Variants in ANGPT1 observed in about 807,000 individuals in gnomAD.
The protein encoded by ANGPT1 is angiopoietin-1.
A neutral mutation model predicts 62.2 loss-of-function variants in ANGPT1; 17 were observed. The observed-to-expected ratio is 0.27, with a 90% CI of 0.19 to 0.41. The LOEUF (loss-of-function observed/expected upper bound fraction) is 0.41. ANGPT1 is among the 10% of genes least tolerant of loss of function. The probability of loss-of-function intolerance (pLI) is 1.00; values close to 1 mark genes in which losing one functional copy is unlikely to be tolerated. For missense variants in ANGPT1, 478 were observed against 594.9 expected, an observed-to-expected ratio of 0.80 and a Z score of 2.04; for synonymous variants, 199 against 198.9, an observed-to-expected ratio of 1.00 and a Z score of 0.00.
intron 1 of ANGPT1, among the ~76,000 whole-genome samples, chr8:107,440,230 T>A (rs1312389923): frequency 6.6e-6 from 1 of 152,208 alleles, no homozygotes; most frequent in Non-Finnish European, 1.5e-5. Flanking sequence ...GCTCAGAGAA[T>A]GTGGCTTGCA....
chr8:107,259,808 G>A (rs1380630102), intron 8 of ANGPT1, among the ~76,000 whole-genome samples: 1 of 151,842 alleles, frequency 6.6e-6, no homozygotes, highest in Non-Finnish European at 1.5e-5. Flanking sequence ...TCCTAATTTA[G>A]TATCAAAGAT....
intron 1 of ANGPT1, among the ~76,000 whole-genome samples, chr8:107,359,154 A>G (rs1363063250): frequency 6.6e-6 from 1 of 152,254 alleles, no homozygotes; most frequent in Non-Finnish European, 1.5e-5. Flanking sequence ...ACTGAGTTAG[A>G]CTTAGTAATT....
At chr8:107,263,129 G>A (rs982955675) in intron 8 of ANGPT1, among the ~76,000 whole-genome samples, 5 of 151,934 alleles carry the variant, frequency 3.3e-5, no homozygotes, top group South Asian at 2.1e-4. Flanking sequence ...CAAGGTGGGC[G>A]GATCACTTGA....
Position 107,284,737 on chromosome 8 carries a change from G to C in ANGPT1, c.1150C>G (p.Arg384Gly), listed in dbSNP as rs1284718290. 3 of 1,609,934 alleles carry C rather than the reference G, an allele frequency of 1.9e-6. No individual in the cohort carries two copies. Among genetic ancestry groups the C allele is most frequent in the Non-Finnish European group, 8.5e-7 (1 of 1,177,444 alleles). ...RIELMDWEGN[R>G]AYSQYDRFHI... ...AATCTGTCATACTGTGAATAGGCTC[G>C]GTTCCCTTCCCAGTCCATTAACTCA... is the stretch of plus-strand genomic sequence containing the variant. Residue 384 changes from arginine (R) to glycine (G), a missense_variant, in exon 7 of 9, where the codon CGA becomes GGA. Physicochemically the swap from Arg to Gly is moderately radical, Grantham distance 125. Transcript: ENST00000517746.
intron 4 of ANGPT1, among the ~76,000 whole-genome samples, chr8:107,307,623 TG>T (rs1814750651): frequency 6.6e-6 from 1 of 152,090 alleles, no homozygotes; most frequent in Admixed American, 6.6e-5. Context: ...CTTCTCCAAT[TG>T]TTTTTTCTCT....
At chr8:107,320,949 A>G (rs1815135616) in intron 4 of ANGPT1, among the ~76,000 whole-genome samples, 1 of 152,160 alleles carries the variant, frequency 6.6e-6, no homozygotes, top group Admixed American at 6.5e-5. Flanking sequence ...ATGAATGGTC[A>G]CATAAGCCAC....
At chr8:107,289,968 A>G (rs1426052845) in intron 6 of ANGPT1, among the ~76,000 whole-genome samples, 1 of 152,074 alleles carries the variant, frequency 6.6e-6, no homozygotes, top group African/African-American at 2.4e-5. Context: ...TATCTTCCCT[A>G]AGTGCCTCAT....
chr8:107,459,449 A>G (rs1812007508), intron 1 of ANGPT1, among the ~76,000 whole-genome samples: 1 of 150,740 alleles, frequency 6.6e-6, no homozygotes, highest in African/African-American at 2.5e-5. Context: ...AGATCGTGCC[A>G]CTGCACTCCA....
intron 1 of ANGPT1, among the ~76,000 whole-genome samples, chr8:107,389,466 C>G (rs1816793334): frequency 6.6e-6 from 1 of 152,082 alleles, no homozygotes; most frequent in Non-Finnish European, 1.5e-5. Flanking sequence ...GGCAATTACA[C>G]TTCACAATAA....
At chr8:107,324,443 C>T (rs1419135431) in intron 3 of ANGPT1, among the ~76,000 whole-genome samples, 4 of 152,040 alleles carry the variant, frequency 2.6e-5, no homozygotes, top group Non-Finnish European at 5.9e-5. Flanking sequence ...AGCACTGCTG[C>T]CTCAAGCCAA....
intron 1 of ANGPT1, among the ~76,000 whole-genome samples, chr8:107,432,153 A>G (rs1811204168): frequency 6.6e-6 from 1 of 152,058 alleles, no homozygotes; most frequent in Admixed American, 6.6e-5. Context: ...TAAAAAAAAA[A>G]AACTGAACCG....
chr8:107,347,521 C>T (rs1040808744), intron 1 of ANGPT1, among the ~76,000 whole-genome samples: 1 of 152,136 alleles, frequency 6.6e-6, no homozygotes, highest in Non-Finnish European at 1.5e-5. Context: ...AAATCTAATT[C>T]TTGGTGCTCT....
At chr8:107,392,411 T>C (rs964906513) in intron 1 of ANGPT1, among the ~76,000 whole-genome samples, 1 of 152,174 alleles carries the variant, frequency 6.6e-6, no homozygotes, top group African/African-American at 2.4e-5. Flanking sequence ...TATATTTTAT[T>C]GTCATTTTAA....
intron 5 of ANGPT1, among the ~76,000 whole-genome samples, chr8:107,296,408 A>G (rs1015996846): frequency 6.6e-6 from 1 of 152,110 alleles, no homozygotes; most frequent in African/African-American, 2.4e-5. Context: ...GAATGCTAAG[A>G]AAGATGGATT....
At chr8:107,354,379 T>C (rs1815996581) in intron 1 of ANGPT1, among the ~76,000 whole-genome samples, 1 of 152,144 alleles carries the variant, frequency 6.6e-6, no homozygotes, top group African/African-American at 2.4e-5. Context: ...GGTACTATCA[T>C]TGATATACTC....
intron 1 of ANGPT1, among the ~76,000 whole-genome samples, chr8:107,446,936 C>T (rs912839890): frequency 6.6e-6 from 1 of 152,194 alleles, no homozygotes; most frequent in Non-Finnish European, 1.5e-5. Flanking sequence ...ATTTTCCACT[C>T]AGGCCTCTGT....
At chr8:107,453,576 C>G (rs1392506973) in intron 1 of ANGPT1, among the ~76,000 whole-genome samples, 1 of 152,086 alleles carries the variant, frequency 6.6e-6, no homozygotes, top group African/African-American at 2.4e-5. Context: ...GATTCAATTA[C>G]TTCCCACTGG....
intron 3 of ANGPT1, among the ~76,000 whole-genome samples, chr8:107,324,409 G>C (rs1466581020): frequency 6.6e-6 from 1 of 151,982 alleles, no homozygotes. Context: ...TGTGCACACA[G>C]GGAAAAGGTT....
chr8:107,292,915 G>A (rs1011309428), intron 6 of ANGPT1, among the ~76,000 whole-genome samples: 2 of 152,112 alleles, frequency 1.3e-5, no homozygotes, highest in African/African-American at 2.4e-5. Flanking sequence ...TTGTCAAAAA[G>A]TCAAGACAAG....
Sources: gnomAD v4.1 joint callset for allele counts (sites outside exome capture counted in the v4.1 genomes callset) on GRCh38, gnomAD v4.1.1 for gene constraint, MANE v1.5 for transcripts, NCBI Gene and HGNC (gene_info 2026-07-23, HGNC 2026-07-21) for gene names.